The following MGLL variants were observed in gnomAD, a reference collection of about 807,000 sequenced individuals.
MGLL encodes the protein lysophospholipase homolog.
In MGLL, 7 loss-of-function variants were observed where a neutral mutation model predicts 29.1. The observed-to-expected ratio is 0.24, with a 90% confidence interval of 0.14 to 0.45. MGLL has a LOEUF of 0.45. Among genes scored for constraint, MGLL ranks in the 20% least tolerant of loss-of-function variants. The probability of loss-of-function intolerance (pLI) is 0.99; values close to 1 mark genes in which losing one functional copy is unlikely to be tolerated. For synonymous variants in MGLL, 148 were observed against 168.3 expected (o/e 0.88, Z 0.93); for missense variants, 356 against 413.6 (o/e 0.86, Z 1.21).
At chr3:127,706,020 C>T (rs989558437) in intron 6 of MGLL, among the ~76,000 whole-genome samples, 3 of 152,128 alleles carry the variant, frequency 2.0e-5, no homozygotes, top group Non-Finnish European at 2.9e-5. Flanking sequence ...GCACAGCCAC[C>T]GTGGAAAATG....
In MGLL at chr3:127,822,349, G is replaced by C; in HGVS notation, c.-31C>G. 2.5e-6 allele frequency: 4 copies of C among 1,613,194 alleles called. No homozygotes were observed. Among genetic ancestry groups the C allele is most frequent in the Non-Finnish European group, 3.4e-6 (4 of 1,179,248 alleles). Reference sequence around the variant, plus strand: ...GCTGGCGTTTGCATTCCACAACCACGACAGCCTGGAGAATCAGAACCAGGC... The same window carrying C: ...GCTGGCGTTTGCATTCCACAACCACCACAGCCTGGAGAATCAGAACCAGGC... On this transcript the variant is annotated 5_prime_UTR_variant, in exon 1 of 8. Transcript: ENST00000265052.
In MGLL at chr3:127,822,360, G is replaced by A; in HGVS notation, c.-42C>T. 1 of 1,612,102 alleles carries A rather than the reference G, an allele frequency of 6.2e-7. No individual in the cohort carries two copies. The highest frequency in any genetic ancestry group is 8.5e-7 in the Non-Finnish European group (1 of 1,178,152). ...CATTCCACAACCACGACAGCCTGGA[G>A]AATCAGAACCAGGCAAATCGGGCTG... is the stretch of plus-strand genomic sequence containing the variant. On this transcript the variant is annotated 5_prime_UTR_variant, in exon 1 of 8. Transcript: ENST00000265052.
intron 3 of MGLL, among the ~76,000 whole-genome samples, chr3:127,757,211 C>A (rs550866971): frequency 5.9e-5 from 9 of 152,266 alleles, no homozygotes; most frequent in African/African-American, 1.9e-4. Flanking sequence ...CAACTTGAGG[C>A]CTGGAGCCAC....
At chr3:127,723,203 G>A (rs1374378486) in intron 3 of MGLL, among the ~76,000 whole-genome samples, 1 of 152,106 alleles carries the variant, frequency 6.6e-6, no homozygotes, top group Non-Finnish European at 1.5e-5. Context: ...TTTCCTTAGG[G>A]CCCTCCACTT....
chr3:127,813,736 C>A (rs1204368854), intron 2 of MGLL, among the ~76,000 whole-genome samples: 1 of 152,126 alleles, frequency 6.6e-6, no homozygotes. Context: ...CATTGACCCC[C>A]ATTTTGAGAG....
intron 3 of MGLL, among the ~76,000 whole-genome samples, chr3:127,741,153 A>G (rs2076333180): frequency 6.6e-6 from 1 of 152,242 alleles, no homozygotes. Flanking sequence ...TTTCCTCTAC[A>G]TTCCATGGAT....
chr3:127,718,911 A>G (rs1252524214), intron 5 of MGLL, among the ~76,000 whole-genome samples: 1 of 152,252 alleles, frequency 6.6e-6, no homozygotes, highest in Non-Finnish European at 1.5e-5. Flanking sequence ...AAATGTGCCA[A>G]GAGTGATGAA....
intron 2 of MGLL, among the ~76,000 whole-genome samples, chr3:127,805,954 A>C (rs2077557741): frequency 6.6e-6 from 1 of 152,264 alleles, no homozygotes; most frequent in South Asian, 2.1e-4. Context: ...TAAGAAACTC[A>C]TGTATTCAAG....
chr3:127,710,455 G>T, intron 6 of MGLL, 121 bp downstream of exon 6: 1 of 950,618 alleles, frequency 1.1e-6, no homozygotes, highest in Non-Finnish European at 1.7e-6. Flanking sequence ...CTGTGTCCTT[G>T]TCACTTTGCA....
chr3:127,746,709 C>T (rs1021940406), intron 3 of MGLL, among the ~76,000 whole-genome samples: 6 of 152,160 alleles, frequency 3.9e-5, no homozygotes, highest in African/African-American at 9.7e-5. Context: ...GAGGCATGCA[C>T]GCCATCCTTC....
chr3:127,806,878 T>C (rs1322458794), intron 2 of MGLL, among the ~76,000 whole-genome samples: 13 of 152,180 alleles, frequency 8.5e-5, no homozygotes, highest in Non-Finnish European at 1.8e-4. Context: ...AATACAAAAA[T>C]TAGCCAGATT....
chr3:127,803,306 C>T (rs949019312), intron 2 of MGLL, among the ~76,000 whole-genome samples: 2 of 152,136 alleles, frequency 1.3e-5, no homozygotes, highest in East Asian at 1.9e-4. Context: ...TATTGCTGCA[C>T]GGGGAGGGCC....
intron 3 of MGLL, among the ~76,000 whole-genome samples, chr3:127,729,828 C>T (rs1271954346): frequency 6.6e-6 from 1 of 152,224 alleles, no homozygotes; most frequent in Non-Finnish European, 1.5e-5. Context: ...CCCCAGGTCA[C>T]TCTGCGAGCT....
At chr3:127,779,811 G>A (rs762158573) in intron 3 of MGLL, among the ~76,000 whole-genome samples, 3 of 152,140 alleles carry the variant, frequency 2.0e-5, no homozygotes, top group Non-Finnish European at 4.4e-5. Context: ...CAGCAAGAAG[G>A]AAATACAGCC....
Position 127,822,329 on chromosome 3 carries a change from C to T in MGLL, c.-11G>A, listed in dbSNP as rs1215882793. The T allele has an allele frequency of 6.2e-7, 1 of 1,613,708 alleles. No homozygotes were observed. Among genetic ancestry groups the T allele is most frequent in the Non-Finnish European group, 8.5e-7 (1 of 1,179,628 alleles). On this transcript the variant is annotated 5_prime_UTR_variant, in exon 1 of 8. Coordinates refer to ENST00000265052, the MANE Select transcript of MGLL (RefSeq NM_007283.7). ...CAAACCTGTTTCCATTATGTGCTGG[C>T]GTTTGCATTCCACAACCACGACAGC... is the stretch of plus-strand genomic sequence containing the variant.
chr3:127,708,078 T>G (rs775218266), intron 6 of MGLL, among the ~76,000 whole-genome samples: 9 of 152,208 alleles, frequency 5.9e-5, no homozygotes, highest in Admixed American at 1.3e-4. Flanking sequence ...AGGCAAACAT[T>G]TCTTTTTGGT....
At chr3:127,766,702 A>G (rs2076862055) in intron 3 of MGLL, among the ~76,000 whole-genome samples, 1 of 152,228 alleles carries the variant, frequency 6.6e-6, no homozygotes, top group Non-Finnish European at 1.5e-5. Flanking sequence ...CACATGACAT[A>G]AATTTTTATG....
intron 3 of MGLL, among the ~76,000 whole-genome samples, chr3:127,751,739 G>A (rs1264275305): frequency 1.3e-5 from 2 of 151,124 alleles, no homozygotes; most frequent in Non-Finnish European, 2.9e-5. Context: ...ATGTACCTGG[G>A]CAAAAAAAAA....
At chr3:127,733,342 C>A (rs1187257489) in intron 3 of MGLL, among the ~76,000 whole-genome samples, 1 of 152,236 alleles carries the variant, frequency 6.6e-6, no homozygotes, top group African/African-American at 2.4e-5. Flanking sequence ...AAAATGGGCA[C>A]CCACCAGCCC....
Sources: allele counts gnomAD v4.1 joint callset (sites outside exome capture counted in the v4.1 genomes callset), GRCh38; gene constraint gnomAD v4.1.1; transcripts MANE v1.5; gene names NCBI Gene and HGNC (gene_info 2026-07-23, HGNC 2026-07-21).